SEMA6D: variants seen among roughly 807,000 people sequenced by gnomAD.
SEMA6D encodes semaphorin-6D.
A neutral mutation model predicts 106.6 loss-of-function variants in SEMA6D; 35 were observed. The ratio of observed to expected loss-of-function variants is 0.33; its 90% CI spans 0.25 to 0.44. The LOEUF is 0.44. SEMA6D is among the 20% of genes least tolerant of loss of function. SEMA6D has a pLI of 1.00. For synonymous variants in SEMA6D, 499 were observed against 487.7 expected, an observed-to-expected ratio of 1.02 and a Z score of -0.31; for missense variants, 1,185 against 1,345.9, an observed-to-expected ratio of 0.88 and a Z score of 1.87.
chr15:47,489,777 G>A lies in SEMA6D; in HGVS notation c.-87+19232G>A, dbSNP rs377703918. ...AGCGATTCTCCTGCCTCAGCCTCCC[G>A]AGTAGCTGGGATTACAGGTGCCTGC... On this transcript the variant is annotated intron_variant, in intron 3 of 19. Coordinates refer to the SEMA6D transcript ENST00000558014. Among the ~76,000 whole-genome samples the A allele has an allele frequency of 1.4e-3, 212 of 151,906 alleles. 10 individuals carry two copies. The South Asian group carries it at 0.042, about 30-fold the overall frequency.
chr15:47,249,223 G>A (rs531917116), intron 1 of SEMA6D, among the ~76,000 whole-genome samples: 3 of 152,188 alleles, frequency 2.0e-5, no homozygotes, highest in Admixed American at 2.0e-4. Flanking sequence ...GTGAGACTCC[G>A]TCTCAAAAAC....
chr15:47,451,708 T>A lies in SEMA6D; in HGVS notation c.-158-18766T>A, dbSNP rs566234312. Among the ~76,000 whole-genome samples the A allele has an allele frequency of 3.3e-5, 5 of 152,160 alleles. No individual in the cohort carries two copies. In the East Asian group the frequency reaches 9.7e-4, roughly 30 times the overall value. On this transcript the variant is annotated intron_variant, in intron 2 of 19. Transcript: ENST00000558014. Reference sequence around the variant, plus strand: ...TCATATGATTTAAGTCCTCCCTTTGTTCTCACTGTTTCCTTTACCCTCTTT... The same window carrying A: ...TCATATGATTTAAGTCCTCCCTTTGATCTCACTGTTTCCTTTACCCTCTTT...
At chr15:47,425,725 C>T (rs563375423) in intron 2 of SEMA6D, among the ~76,000 whole-genome samples, 5 of 147,820 alleles carry the variant, frequency 3.4e-5, no homozygotes, top group African/African-American at 1.0e-4. Context: ...GGCTGGAGTG[C>T]GGTGGCATGA....
intron 1 of SEMA6D, among the ~76,000 whole-genome samples, chr15:47,365,582 C>T (rs576652193): frequency 1.3e-4 from 20 of 152,172 alleles, no homozygotes; most frequent in African/African-American, 3.9e-4. Flanking sequence ...GAATCCGGGC[C>T]GGGCATGGTG....
intron 3 of SEMA6D, among the ~76,000 whole-genome samples, chr15:47,545,593 G>T (rs144723144): frequency 1.3e-5 from 2 of 152,160 alleles, no homozygotes; most frequent in Non-Finnish European, 2.9e-5. Flanking sequence ...CTTTTACTTT[G>T]CATGTCCATT....
At chr15:47,244,024 A>G (rs1368660383) in intron 1 of SEMA6D, among the ~76,000 whole-genome samples, 1 of 152,194 alleles carries the variant, frequency 6.6e-6, no homozygotes, top group African/African-American at 2.4e-5. Flanking sequence ...AGTGGTATAA[A>G]TAAAAATAAG....
At chr15:47,311,737 A>G (rs148691741) in intron 1 of SEMA6D, among the ~76,000 whole-genome samples, 201 of 152,348 alleles carry the variant, frequency 1.3e-3, no homozygotes, top group African/African-American at 4.7e-3. Flanking sequence ...GCAGTTAACA[A>G]CAAAAGTCAA....
intron 1 of SEMA6D, among the ~76,000 whole-genome samples, chr15:47,745,127 G>C (rs979214366): frequency 6.6e-6 from 1 of 152,152 alleles, no homozygotes; most frequent in African/African-American, 2.4e-5. Flanking sequence ...TGTAGATAAG[G>C]GTTTGAAGCG....
At chr15:47,653,844 T>G (rs1373585058) in intron 4 of SEMA6D, among the ~76,000 whole-genome samples, 1 of 152,230 alleles carries the variant, frequency 6.6e-6, no homozygotes, top group Non-Finnish European at 1.5e-5. Context: ...AATGGAAAAT[T>G]AATCAGGGAT....
chr15:47,202,264 C>A (rs981615668), intron 1 of SEMA6D, among the ~76,000 whole-genome samples: 6 of 151,970 alleles, frequency 3.9e-5, no homozygotes, highest in Admixed American at 3.9e-4. Context: ...CACAGCCAGT[C>A]CCTGAGAAAG....
intron 1 of SEMA6D, chr15:47,730,711 A>G: frequency 6.2e-7 from 1 of 1,606,462 alleles, no homozygotes; most frequent in East Asian, 2.2e-5. Context: ...CGCAGGAGGC[A>G]CTTTCAGCCG....
At chr15:47,341,872 C>T (rs1291484234) in intron 1 of SEMA6D, among the ~76,000 whole-genome samples, 2 of 152,000 alleles carry the variant, frequency 1.3e-5, no homozygotes, top group African/African-American at 2.4e-5. Flanking sequence ...GTTTGCCTCC[C>T]ACCCCTTTCC....
intron 1 of SEMA6D, among the ~76,000 whole-genome samples, chr15:47,381,787 T>G (rs527943668): frequency 6.6e-6 from 1 of 152,346 alleles, no homozygotes; most frequent in Admixed American, 6.5e-5. Context: ...ACATTTTATA[T>G]TGAACTTGTA....
At chr15:47,236,985 A>G (rs997805099) in intron 1 of SEMA6D, among the ~76,000 whole-genome samples, 1 of 152,194 alleles carries the variant, frequency 6.6e-6, no homozygotes, top group Non-Finnish European at 1.5e-5. Context: ...CTCCTGCTGG[A>G]TAATGCTTGT....
At chr15:47,230,241 C>G (rs1281042849) in intron 1 of SEMA6D, among the ~76,000 whole-genome samples, 1 of 152,038 alleles carries the variant, frequency 6.6e-6, no homozygotes, top group African/African-American at 2.4e-5. Context: ...AATCCTCACA[C>G]TCTCATTTAA....
intron 4 of SEMA6D, among the ~76,000 whole-genome samples, chr15:47,676,443 C>T (rs994189399): frequency 3.3e-5 from 5 of 152,160 alleles, no homozygotes; most frequent in East Asian, 1.9e-4. Flanking sequence ...TTGGAAAAAT[C>T]GCACACATTT....
At chr15:47,345,724 G>C (rs1189413073) in intron 1 of SEMA6D, among the ~76,000 whole-genome samples, 1 of 152,130 alleles carries the variant, frequency 6.6e-6, no homozygotes, top group East Asian at 1.9e-4. Flanking sequence ...CTGAGTTAAA[G>C]AAGCCACAGC....
chr15:47,301,022 G>C (rs893958190), intron 1 of SEMA6D, among the ~76,000 whole-genome samples: 1 of 152,328 alleles, frequency 6.6e-6, no homozygotes, highest in Non-Finnish European at 1.5e-5. Context: ...TATATCTTGA[G>C]ATACAAGGAC....
chr15:47,422,276 A>G (rs1160142534), intron 2 of SEMA6D, among the ~76,000 whole-genome samples: 5 of 148,458 alleles, frequency 3.4e-5, no homozygotes, highest in Non-Finnish European at 7.4e-5. Flanking sequence ...TTAGTCAGGT[A>G]TCATTGAATT....
Sources: allele counts gnomAD v4.1 joint callset (sites outside exome capture counted in the v4.1 genomes callset), GRCh38; gene constraint gnomAD v4.1.1; transcripts MANE v1.5; gene names NCBI Gene and HGNC (gene_info 2026-07-23, HGNC 2026-07-21).